The following OMA1 variants were observed in gnomAD, a reference collection of about 807,000 sequenced individuals.
OMA1 encodes the protein OMA1 zinc metallopeptidase.
A neutral mutation model predicts 30.9 loss-of-function variants in OMA1; 38 were observed. The observed-to-expected ratio is 1.23, with a 90% CI of 0.95 to 1.61. The LOEUF (loss-of-function observed/expected upper bound fraction) is 1.61, where lower values mean the gene tolerates loss of function less well. OMA1 is among the 40% of genes most tolerant of loss of function. OMA1 has a pLI of 0.00. For synonymous variants in OMA1, 173 were observed against 121.9 expected (o/e 1.42, Z -2.76); for missense variants, 461 against 349.2 (o/e 1.32, Z -2.55).
rs544333210 is a variant in OMA1 at position 58,492,297 on chromosome 1, T to C, written c.1366-11123A>G. Among the ~76,000 whole-genome samples, 7 of 151,560 alleles carry C rather than the reference T, an allele frequency of 4.6e-5. No individual in the cohort carries two copies. In the South Asian group the frequency reaches 8.4e-4, roughly 18 times the overall value. On this transcript the variant is annotated intron_variant, in intron 8 of 8. Transcript: ENST00000371226. The stretch of plus-strand genomic sequence containing the variant: ...GAGGGAAATTTATAGCACTAAATGC[T>C]CACAAAAGAAAGCAGGAAAGATCTA...
intron 8 of OMA1, among the ~76,000 whole-genome samples, chr1:58,493,339 C>T (rs1302808986): frequency 2.6e-5 from 4 of 152,152 alleles, no homozygotes; most frequent in African/African-American, 7.2e-5. Context: ...TGGAAGCATT[C>T]CCTTTGAAAA....
chr1:58,496,059 T>C (rs529118949), intron 8 of OMA1, among the ~76,000 whole-genome samples: 1 of 152,314 alleles, frequency 6.6e-6, no homozygotes, highest in South Asian at 2.1e-4. Context: ...AAAAATATGA[T>C]ATAGAAACCA....
chr1:58,530,988 T>C (rs534469431), intron 5 of OMA1, among the ~76,000 whole-genome samples: 2 of 152,326 alleles, frequency 1.3e-5, no homozygotes, highest in Admixed American at 1.3e-4. Flanking sequence ...TACAATTTCT[T>C]ATATTAACAG....
At chr1:58,500,937 C>A (rs1422910841) in intron 8 of OMA1, among the ~76,000 whole-genome samples, 1 of 152,128 alleles carries the variant, frequency 6.6e-6, no homozygotes, top group Non-Finnish European at 1.5e-5. Context: ...CTTTCAACGA[C>A]AAATTATAAT....
At chr1:58,534,660 C>T (rs1169261306) in intron 3 of OMA1, among the ~76,000 whole-genome samples, 1 of 152,220 alleles carries the variant, frequency 6.6e-6, no homozygotes, top group Non-Finnish European at 1.5e-5. Context: ...TAGGCCAGGG[C>T]AAGATGGCTC....
chr1:58,526,106 T>A (rs1646345659), intron 7 of OMA1, among the ~76,000 whole-genome samples: 1 of 152,104 alleles, frequency 6.6e-6, no homozygotes, highest in African/African-American at 2.4e-5. Context: ...AAAGATTTCC[T>A]AACCAGAACA....
intron 8 of OMA1, among the ~76,000 whole-genome samples, chr1:58,482,766 C>T (rs1037920307): frequency 6.6e-6 from 1 of 152,046 alleles, no homozygotes; most frequent in African/African-American, 2.4e-5. Context: ...GAGGGAGCTG[C>T]GAGTACAAGG....
intron 1 of OMA1, among the ~76,000 whole-genome samples, chr1:58,540,289 A>G (rs1646586571): frequency 6.6e-6 from 1 of 152,120 alleles, no homozygotes; most frequent in Admixed American, 6.5e-5. Context: ...CAGGAAAAAA[A>G]AAAAATCTAA....
chr1:58,490,325 T>A (rs1645658539), intron 8 of OMA1, among the ~76,000 whole-genome samples: 1 of 152,116 alleles, frequency 6.6e-6, no homozygotes, highest in African/African-American at 2.4e-5. Context: ...TTCGATCAAC[T>A]GGAAGAAAAG....
At chr1:58,491,716 T>C (rs1215316897) in intron 8 of OMA1, among the ~76,000 whole-genome samples, 1 of 152,206 alleles carries the variant, frequency 6.6e-6, no homozygotes, top group Non-Finnish European at 1.5e-5. Context: ...AAGAGCTAAC[T>C]ATCCTAAATA....
chr1:58,508,915 G>A (rs2100422445), intron 7 of OMA1, among the ~76,000 whole-genome samples: 1 of 152,206 alleles, frequency 6.6e-6, no homozygotes, highest in South Asian at 2.1e-4. Flanking sequence ...ACTGGCTTCT[G>A]TCTCATCTGT....
intron 1 of OMA1, 49 bp from the exon 2 acceptor site, chr1:58,539,359 C>T (rs1412372273): frequency 2.7e-6 from 2 of 728,562 alleles, no homozygotes; most frequent in African/African-American, 1.8e-5. Flanking sequence ...ATTTACTTAC[C>T]AAACTGGGAC....
chr1:58,528,903 G>A (rs953985038), intron 6 of OMA1, among the ~76,000 whole-genome samples: 5 of 152,176 alleles, frequency 3.3e-5, no homozygotes, highest in Non-Finnish European at 7.4e-5. Flanking sequence ...TTTCATTGAC[G>A]AATTACAGTG....
At chr1:58,505,578 GAAAT>G (rs1380277900) in intron 8 of OMA1, among the ~76,000 whole-genome samples, 5 of 151,964 alleles carry the variant, frequency 3.3e-5, no homozygotes, top group African/African-American at 1.2e-4. Flanking sequence ...TCTTCATAAA[GAAAT>G]AAATAACCAG....
intron 7 of OMA1, among the ~76,000 whole-genome samples, chr1:58,510,492 A>G (rs1282118845): frequency 6.6e-6 from 1 of 152,180 alleles, no homozygotes; most frequent in Non-Finnish European, 1.5e-5. Flanking sequence ...TTATAGCTAT[A>G]TATGAAAAGC....
chr1:58,512,651 G>A (rs915270502), intron 7 of OMA1, among the ~76,000 whole-genome samples: 3 of 152,158 alleles, frequency 2.0e-5, no homozygotes, highest in Non-Finnish European at 4.4e-5. Flanking sequence ...GTCACAAATG[G>A]ACAAATACGA....
chr1:58,514,512 CCCTTCCAAAGGTAAAT>C (rs576257867), intron 7 of OMA1, among the ~76,000 whole-genome samples: 40 of 152,196 alleles, frequency 2.6e-4, no homozygotes, highest in Non-Finnish European at 3.2e-4. Context: ...AGCCATCACC[CCCTTCCAAAGGTAAAT>C]CCTGACACTG....
intron 7 of OMA1, among the ~76,000 whole-genome samples, chr1:58,516,520 A>T (rs61781790): frequency 0.081 from 12,303 of 152,234 alleles, 521 homozygotes; most frequent in Middle Eastern, 0.16. Context: ...AATCATTCTG[A>T]TAATTTATAT....
intron 8 of OMA1, among the ~76,000 whole-genome samples, chr1:58,504,669 G>A (rs1287257928): frequency 6.6e-6 from 1 of 152,172 alleles, no homozygotes; most frequent in South Asian, 2.1e-4. Context: ...TAATCAATAA[G>A]TATCAATAAA....
Sources: gnomAD v4.1 joint callset for allele counts (sites outside exome capture counted in the v4.1 genomes callset) on GRCh38, gnomAD v4.1.1 for gene constraint, MANE v1.5 for transcripts, NCBI Gene and HGNC (gene_info 2026-07-23, HGNC 2026-07-21) for gene names.